The following LNX1 variants were observed in gnomAD, a reference collection of about 807,000 sequenced individuals.
LNX1 encodes E3 ubiquitin-protein ligase LNX.
Under a neutral mutation model 68.4 loss-of-function variants are expected in LNX1, and 54 were observed. The ratio of observed to expected loss-of-function variants is 0.79; its 90% CI spans 0.63 to 0.99. The LOEUF (loss-of-function observed/expected upper bound fraction) is 0.99. Ranked by LOEUF, LNX1 falls within the 50% of genes least tolerant of loss-of-function variation. The pLI is 0.00. For missense variants in LNX1, 906 were observed against 926.4 expected (o/e 0.98, Z 0.29); for synonymous variants, 336 against 350.0 (o/e 0.96, Z 0.45).
chr4:53,602,618 A>G (rs1303624322), intron 2 of LNX1, among the ~76,000 whole-genome samples: 1 of 152,190 alleles, frequency 6.6e-6, no homozygotes, highest in Non-Finnish European at 1.5e-5. Context: ...AATGGCCTTT[A>G]CACGTGGTGA....
intron 10 of LNX1, 29 bp from the exon 11 acceptor site, chr4:53,461,071 TTAG>T: frequency 6.5e-7 from 1 of 1,527,298 alleles, no homozygotes. Context: ...CAAGATATGA[TTAG>T]TATTTTAATT....
chr4:53,553,446 ACTCCACCC>A (rs1309058109), intron 2 of LNX1, among the ~76,000 whole-genome samples: 1 of 152,012 alleles, frequency 6.6e-6, no homozygotes, highest in African/African-American at 2.4e-5. Flanking sequence ...TTGAAAACAA[ACTCCACCC>A]CTACTTCTGA....
chr4:53,549,882 TC>T (rs1236604536), intron 2 of LNX1, among the ~76,000 whole-genome samples: 5 of 152,146 alleles, frequency 3.3e-5, no homozygotes, highest in African/African-American at 1.2e-4. Flanking sequence ...TTGCCTCTTA[TC>T]CGCCTGACAT....
intron 2 of LNX1, among the ~76,000 whole-genome samples, chr4:53,557,258 C>T (rs1421562697): frequency 6.6e-6 from 1 of 152,112 alleles, no homozygotes; most frequent in Non-Finnish European, 1.5e-5. Context: ...CAATTTGCTC[C>T]AGACCATTGC....
At chr4:53,597,230 T>A (rs767684214) in intron 2 of LNX1, among the ~76,000 whole-genome samples, 1 of 152,196 alleles carries the variant, frequency 6.6e-6, no homozygotes, top group Non-Finnish European at 1.5e-5. Context: ...ATATTCCTGA[T>A]CAGTCCCTCT....
At chr4:53,643,816 A>T (rs1734779240) in intron 1 of LNX1, among the ~76,000 whole-genome samples, 1 of 152,198 alleles carries the variant, frequency 6.6e-6, no homozygotes, top group African/African-American at 2.4e-5. Flanking sequence ...TGAAAATTAA[A>T]CAAGAGAAGT....
rs527405570 is a variant in LNX1 at position 53,633,572 on chromosome 4, G to A, written c.-215+18596C>T. Among the ~76,000 whole-genome samples the A allele has an allele frequency of 5.3e-5, 8 of 152,302 alleles. No homozygotes were observed. The South Asian group carries it at 1.2e-3, about 24-fold the overall frequency. Reference sequence around the variant, plus strand: ...GTTTTTGCCAGCTAGGCAGAGTTAGGTTGGGTTCATTTTTGTAAACAAGAC... The same window carrying A: ...GTTTTTGCCAGCTAGGCAGAGTTAGATTGGGTTCATTTTTGTAAACAAGAC... On this transcript the variant is annotated intron_variant, in intron 1 of 2. Transcript: ENST00000507168.
At chr4:53,512,813 A>T (rs1367851708) in intron 2 of LNX1, among the ~76,000 whole-genome samples, 5 of 152,108 alleles carry the variant, frequency 3.3e-5, no homozygotes, top group Non-Finnish European at 7.4e-5. Flanking sequence ...GAATGGGATG[A>T]GTGATTCTGA....
chr4:53,629,450 T>C lies in LNX1; in HGVS notation c.-215+22718A>G, dbSNP rs372535613. 5.3e-5 allele frequency among the ~76,000 whole-genome samples: 8 copies of C among 152,304 alleles called. No homozygotes were observed. The East Asian group carries it at 1.4e-3, about 26-fold the overall frequency. ...TTCTGTCCTTGCTTTGGCCCATTCTTTTCAAAATGTCCCAGGCCCTGCCAA... is the reference window on the plus strand; with the variant it reads ...TTCTGTCCTTGCTTTGGCCCATTCTCTTCAAAATGTCCCAGGCCCTGCCAA... On this transcript the variant is annotated intron_variant, in intron 1 of 2. Coordinates refer to the LNX1 transcript ENST00000507168.
intron 5 of LNX1, 102 bp from the exon 6 acceptor site, chr4:53,496,496 G>T (rs1394006609): frequency 7.3e-7 from 1 of 1,374,610 alleles, no homozygotes. Context: ...TTTAAAGACT[G>T]CTCTGCTCTC....
At chr4:53,562,579 G>A (rs539306383) in intron 2 of LNX1, among the ~76,000 whole-genome samples, 1 of 152,298 alleles carries the variant, frequency 6.6e-6, no homozygotes, top group African/African-American at 2.4e-5. Context: ...AACGCATTCT[G>A]GAGAAAACAG....
At chr4:53,638,427 C>T (rs748186546) in intron 1 of LNX1, among the ~76,000 whole-genome samples, 3 of 152,162 alleles carry the variant, frequency 2.0e-5, no homozygotes, top group Non-Finnish European at 2.9e-5. Flanking sequence ...ACTCAATGCT[C>T]ATGGTGCTTT....
chr4:53,605,715 T>C (rs1160598991), intron 2 of LNX1, among the ~76,000 whole-genome samples: 1 of 152,226 alleles, frequency 6.6e-6, no homozygotes, highest in Non-Finnish European at 1.5e-5. Context: ...CCTAGCATAA[T>C]GTCCTCTAGG....
At chr4:53,546,833 G>A (rs965823421) in intron 2 of LNX1, among the ~76,000 whole-genome samples, 5 of 152,152 alleles carry the variant, frequency 3.3e-5, no homozygotes, top group African/African-American at 1.2e-4. Flanking sequence ...GGGAGTCGGG[G>A]GCAGAGTCAA....
upstream of LNX1, among the ~76,000 whole-genome samples, chr4:53,619,771 T>C (rs1429394931): frequency 6.6e-6 from 1 of 152,180 alleles, no homozygotes; most frequent in Non-Finnish European, 1.5e-5. Context: ...ATGTTTAATT[T>C]TTCGATGAAC....
At chr4:53,640,990 A>C (rs1048825114) in intron 1 of LNX1, among the ~76,000 whole-genome samples, 2 of 152,198 alleles carry the variant, frequency 1.3e-5, no homozygotes, top group Non-Finnish European at 2.9e-5. Flanking sequence ...TTTGGGATGA[A>C]AAGGTATTGG....
At chr4:53,633,468 G>GA (rs1422210364) in intron 1 of LNX1, among the ~76,000 whole-genome samples, 1 of 152,080 alleles carries the variant, frequency 6.6e-6, no homozygotes, top group Non-Finnish European at 1.5e-5. Context: ...GATAAACTAA[G>GA]AAAAATGCAT....
chr4:53,558,597 C>T (rs770537672), intron 2 of LNX1, among the ~76,000 whole-genome samples: 9 of 152,196 alleles, frequency 5.9e-5, no homozygotes, highest in Middle Eastern at 3.2e-3. Flanking sequence ...ACAGCTTCCT[C>T]GCTAATTTTG....
intron 6 of LNX1, among the ~76,000 whole-genome samples, chr4:53,486,249 C>A (rs114454567): frequency 6.6e-6 from 1 of 151,680 alleles, no homozygotes; most frequent in Admixed American, 6.6e-5. Flanking sequence ...TGGCAGAGCA[C>A]CATATTGATG....
Sources: gnomAD v4.1 joint callset for allele counts (sites outside exome capture counted in the v4.1 genomes callset) on GRCh38, gnomAD v4.1.1 for gene constraint, MANE v1.5 for transcripts, NCBI Gene and HGNC (gene_info 2026-07-23, HGNC 2026-07-21) for gene names.